The following NAALADL2 variants were observed in gnomAD, a reference collection of about 807,000 sequenced individuals.
NAALADL2 encodes the protein inactive N-acetylated-alpha-linked acidic dipeptidase-like protein 2.
In NAALADL2, 76 loss-of-function variants were observed where a neutral mutation model predicts 87.2. The observed-to-expected ratio is 0.87, with a 90% CI of 0.72 to 1.05. The LOEUF is 1.05. Among genes scored for constraint, NAALADL2 ranks in the 50% least tolerant of loss-of-function variants. NAALADL2 has a pLI of 0.00. For synonymous variants in NAALADL2, 354 were observed against 331.0 expected, an observed-to-expected ratio of 1.07 and a Z score of -0.75; for missense variants, 1,089 against 945.8, an observed-to-expected ratio of 1.15 and a Z score of -1.99.
chr3:175,243,471 G>T (rs1445381809), intron 3 of NAALADL2, among the ~76,000 whole-genome samples: 1 of 138,138 alleles, frequency 7.2e-6, no homozygotes, highest in African/African-American at 2.7e-5. Context: ...TTGGTCATTT[G>T]AAATAAATTA....
rs1043877199 is a variant in NAALADL2 at position 174,631,586 on chromosome 3, C to T, written c.-115+80949C>T. 2.6e-5 allele frequency among the ~76,000 whole-genome samples: 4 copies of T among 152,012 alleles called. No homozygotes were observed. In the East Asian group the frequency reaches 7.7e-4, roughly 29 times the overall value. ...GTTGGTGTAATGGAAAATGGAATTG[C>T]TTGATTTTATTTTCCAAATGGACAA... On this transcript the variant is annotated intron_variant, in intron 2 of 3. Coordinates refer to the NAALADL2 transcript ENST00000434257.
chr3:174,970,822 C>T (rs1743524387), intron 1 of NAALADL2, among the ~76,000 whole-genome samples: 1 of 152,100 alleles, frequency 6.6e-6, no homozygotes, highest in Non-Finnish European at 1.5e-5. Context: ...CTCACATGTT[C>T]AATCAATAAG....
intron 2 of NAALADL2, among the ~76,000 whole-genome samples, chr3:174,685,366 C>T (rs141196700): frequency 5.3e-5 from 8 of 152,264 alleles, no homozygotes; most frequent in Non-Finnish European, 1.2e-4. Context: ...CAAATTCTGA[C>T]AAATTTATCC....
At chr3:175,706,091 A>G (rs1371992065) in intron 11 of NAALADL2, among the ~76,000 whole-genome samples, 1 of 152,154 alleles carries the variant, frequency 6.6e-6, no homozygotes, top group African/African-American at 2.4e-5. Context: ...TAGACCATGA[A>G]GCAGCATGAA....
At chr3:174,914,309 C>A (rs1734084773) in intron 1 of NAALADL2, among the ~76,000 whole-genome samples, 1 of 152,068 alleles carries the variant, frequency 6.6e-6, no homozygotes, top group Non-Finnish European at 1.5e-5. Flanking sequence ...GTGATCCACC[C>A]ACCTCTGCCT....
intron 4 of NAALADL2, among the ~76,000 whole-genome samples, chr3:175,310,268 G>A (rs1758199136): frequency 6.6e-6 from 1 of 151,828 alleles, no homozygotes; most frequent in South Asian, 2.1e-4. Flanking sequence ...ATCTTCATAG[G>A]ATGATTCATA....
At chr3:174,513,505 A>G (rs1434669220) in intron 1 of NAALADL2, 2 of 152,130 alleles carry the variant, frequency 1.3e-5, no homozygotes, top group East Asian at 3.9e-4. Flanking sequence ...GTTTGTTTCC[A>G]AAGATTGGTA....
chr3:175,809,402 T>C lies in NAALADL2; in HGVS notation c.*6199T>C, dbSNP rs1754968940. 6.7e-6 allele frequency: 1 copy of C among 149,950 alleles called. No individual in the cohort carries two copies. Among genetic ancestry groups the C allele is most frequent in the African/African-American group, 2.4e-5 (1 of 40,904 alleles). 9.3% of individuals were successfully genotyped at this position (149,950 alleles called of 1,614,324 possible). Reference sequence around the variant, plus strand: ...ATTCTAACTTGCTACTTGGAGAATATGGATATTCTGAAAAGAAAAACCCTT... The same window carrying C: ...ATTCTAACTTGCTACTTGGAGAATACGGATATTCTGAAAAGAAAAACCCTT... On this transcript the variant is annotated 3_prime_UTR_variant, in exon 14 of 14. Coordinates refer to ENST00000454872, the MANE Select transcript of NAALADL2 (RefSeq NM_207015.3).
intron 1 of NAALADL2, among the ~76,000 whole-genome samples, chr3:174,504,088 T>C (rs1487695889): frequency 6.6e-6 from 1 of 152,146 alleles, no homozygotes; most frequent in Non-Finnish European, 1.5e-5. Context: ...TTCTCAGGTA[T>C]TGTAGGCACT....
chr3:175,373,643 T>C (rs554293897), intron 5 of NAALADL2, among the ~76,000 whole-genome samples: 1 of 152,222 alleles, frequency 6.6e-6, no homozygotes, highest in African/African-American at 2.4e-5. Flanking sequence ...CAAGCCTTTT[T>C]GTAAACATAG....
At chr3:175,500,617 A>T (rs981779095) in intron 9 of NAALADL2, among the ~76,000 whole-genome samples, 2 of 152,126 alleles carry the variant, frequency 1.3e-5, no homozygotes, top group African/African-American at 4.8e-5. Flanking sequence ...TTCCATAACT[A>T]ACAATTATCC....
At chr3:175,616,199 A>G (rs1186111047) in intron 10 of NAALADL2, among the ~76,000 whole-genome samples, 1 of 148,076 alleles carries the variant, frequency 6.8e-6, no homozygotes, top group Non-Finnish European at 1.5e-5. Context: ...ACAAGCAATC[A>G]TATTCAAAAT....
chr3:175,733,846 C>A (rs1744125177), intron 11 of NAALADL2, among the ~76,000 whole-genome samples: 1 of 152,204 alleles, frequency 6.6e-6, no homozygotes, highest in African/African-American at 2.4e-5. Flanking sequence ...CCATGCAAGT[C>A]CAAAATCCAG....
chr3:174,634,401 A>G lies in NAALADL2; in HGVS notation c.-115+83764A>G, dbSNP rs192693803. ...GAGTTATAGATCAATACTATTGTGC[A>G]CAGTCCTAGAGTTGGTTGACAGAGT... On this transcript the variant is annotated intron_variant, in intron 2 of 3. Coordinates refer to the NAALADL2 transcript ENST00000434257. Among the ~76,000 whole-genome samples the G allele has an allele frequency of 2.2e-4, 33 of 151,974 alleles. 1 individual carries two copies. In the East Asian group the frequency reaches 6.4e-3, roughly 29 times the overall value.
intron 2 of NAALADL2, among the ~76,000 whole-genome samples, chr3:175,144,951 G>A (rs1365623486): frequency 6.6e-6 from 1 of 151,590 alleles, no homozygotes. Flanking sequence ...TTACTTCCTG[G>A]TAACAAGTCT....
At chr3:175,355,981 A>G (rs1764313364) in intron 5 of NAALADL2, among the ~76,000 whole-genome samples, 1 of 152,100 alleles carries the variant, frequency 6.6e-6, no homozygotes, top group Non-Finnish European at 1.5e-5. Flanking sequence ...AGAACATGAG[A>G]TTTTTGAGGG....
chr3:175,489,813 C>T (rs1380389485), intron 9 of NAALADL2, among the ~76,000 whole-genome samples: 1 of 152,142 alleles, frequency 6.6e-6, no homozygotes, highest in Non-Finnish European at 1.5e-5. Flanking sequence ...ACCAAATATA[C>T]TCTCATTTTA....
intron 3 of NAALADL2, among the ~76,000 whole-genome samples, chr3:174,826,035 A>AACAACAACAACAACAACAACG (rs1431636616): frequency 6.8e-6 from 1 of 146,346 alleles, no homozygotes; most frequent in Non-Finnish European, 1.5e-5. Flanking sequence ...CTCAAACAAC[A>AACAACAACAACAACAACAACG]ACAACAACAA....
chr3:175,295,169 A>G (rs1483730161), intron 4 of NAALADL2, among the ~76,000 whole-genome samples: 2 of 152,212 alleles, frequency 1.3e-5, no homozygotes, highest in Non-Finnish European at 2.9e-5. Context: ...ATAATATCCA[A>G]TGAAGAAAAT....
Sources: gnomAD v4.1 joint callset for allele counts (sites outside exome capture counted in the v4.1 genomes callset) on GRCh38, gnomAD v4.1.1 for gene constraint, MANE v1.5 for transcripts, NCBI Gene and HGNC (gene_info 2026-07-23, HGNC 2026-07-21) for gene names.